ATP8A2: variants seen among roughly 807,000 people sequenced by gnomAD.
The protein encoded by ATP8A2 is ATPase phospholipid transporting 8A2.
Under a neutral mutation model 165.6 loss-of-function variants are expected in ATP8A2, and 100 were observed. The ratio of observed to expected loss-of-function variants is 0.60; its 90% confidence interval spans 0.51 to 0.71. The LOEUF (loss-of-function observed/expected upper bound fraction) is 0.71, where lower values mean the gene tolerates loss of function less well. Among genes scored for constraint, ATP8A2 ranks in the 30% least tolerant of loss-of-function variants. The probability of loss-of-function intolerance (pLI) is 0.00; values close to 1 mark genes in which losing one functional copy is unlikely to be tolerated. For synonymous variants in ATP8A2, 543 were observed against 548.8 expected (o/e 0.99, Z 0.15); for missense variants, 1,227 against 1,479.5 (o/e 0.83, Z 2.80).
At chr13:25,480,289 CG>C (rs1255258790) in intron 2 of ATP8A2, among the ~76,000 whole-genome samples, 1 of 145,238 alleles carries the variant, frequency 6.9e-6, no homozygotes, top group Non-Finnish European at 1.5e-5. Context: ...GCTGGCCGGG[CG>C]GGGGGCTGAC....
intron 30 of ATP8A2, among the ~76,000 whole-genome samples, chr13:25,855,180 G>A (rs1217534770): frequency 1.3e-5 from 2 of 151,878 alleles, no homozygotes. Context: ...GAACCCAGGA[G>A]GCAGAGATTG....
At chr13:25,702,041 A>G (rs2042962712) in intron 25 of ATP8A2, among the ~76,000 whole-genome samples, 1 of 152,188 alleles carries the variant, frequency 6.6e-6, no homozygotes, top group African/African-American at 2.4e-5. Flanking sequence ...AGAAAAAAGC[A>G]CTTGTACACT....
intron 2 of ATP8A2, among the ~76,000 whole-genome samples, chr13:25,478,179 A>G (rs769763341): frequency 2.0e-5 from 3 of 152,070 alleles, no homozygotes; most frequent in African/African-American, 4.8e-5. Context: ...CGGGGCATCA[A>G]AGAACATTCC....
At chr13:25,699,897 G>C (rs1485814746) in intron 25 of ATP8A2, among the ~76,000 whole-genome samples, 1 of 144,032 alleles carries the variant, frequency 6.9e-6, no homozygotes, top group African/African-American at 2.5e-5. Context: ...TTGGCTGCTG[G>C]CTATGTGGAG....
At chr13:25,992,737 T>C (rs1244740045) in intron 35 of ATP8A2, among the ~76,000 whole-genome samples, 3 of 151,940 alleles carry the variant, frequency 2.0e-5, no homozygotes, top group Non-Finnish European at 4.4e-5. Context: ...GTGCACATTG[T>C]GCAGGTTAGT....
At chr13:25,597,828 A>G (rs78751140) in intron 24 of ATP8A2, among the ~76,000 whole-genome samples, 1,764 of 152,244 alleles carry the variant, frequency 0.012, 35 homozygotes, top group African/African-American at 0.04. Context: ...AAGCAGTATA[A>G]ACACCTTTTG....
intron 24 of ATP8A2, among the ~76,000 whole-genome samples, chr13:25,600,865 G>A (rs1279302316): frequency 6.6e-6 from 1 of 152,202 alleles, no homozygotes; most frequent in Non-Finnish European, 1.5e-5. Context: ...GAAGCCAGCA[G>A]ATAATATCTA....
intron 33 of ATP8A2, among the ~76,000 whole-genome samples, chr13:25,929,232 C>T (rs1047708101): frequency 3.0e-4 from 45 of 152,120 alleles, no homozygotes; most frequent in Admixed American, 2.6e-3. Context: ...GGGAAGTCAC[C>T]GGACGTCCAG....
chr13:25,571,328 C>A (rs778552782), intron 17 of ATP8A2, among the ~76,000 whole-genome samples: 1 of 152,160 alleles, frequency 6.6e-6, no homozygotes, highest in Non-Finnish European at 1.5e-5. Context: ...CTATTAGGTT[C>A]ATTGGAGAGA....
chr13:25,478,077 T>A (rs1424015462), intron 2 of ATP8A2, among the ~76,000 whole-genome samples: 1 of 152,206 alleles, frequency 6.6e-6, no homozygotes, highest in Non-Finnish European at 1.5e-5. Context: ...ATTGGAAACA[T>A]ACATGATTTT....
intron 27 of ATP8A2, among the ~76,000 whole-genome samples, chr13:25,778,545 A>C (rs2044793646): frequency 6.6e-6 from 1 of 152,206 alleles, no homozygotes; most frequent in Non-Finnish European, 1.5e-5. Context: ...AAAAACCGCT[A>C]GTTTCACTTC....
At chr13:25,664,760 A>G (rs1214866765) in intron 24 of ATP8A2, among the ~76,000 whole-genome samples, 1 of 152,152 alleles carries the variant, frequency 6.6e-6, no homozygotes, top group African/African-American at 2.4e-5. Flanking sequence ...CCACATCCCA[A>G]TTGCTACCTG....
chr13:25,816,372 G>C (rs1951019923), intron 27 of ATP8A2, among the ~76,000 whole-genome samples: 1 of 152,104 alleles, frequency 6.6e-6, no homozygotes, highest in African/African-American at 2.4e-5. Flanking sequence ...CCAGCCACCT[G>C]GCAGCTCACA....
chr13:25,672,062 C>T (rs923753348), intron 24 of ATP8A2, among the ~76,000 whole-genome samples: 36 of 152,186 alleles, frequency 2.4e-4, no homozygotes, highest in African/African-American at 8.2e-4. Context: ...AATATCGGGG[C>T]AGGTTCCCCA....
At chr13:25,430,995 A>AACAC (rs543580202) in intron 1 of ATP8A2, among the ~76,000 whole-genome samples, 60 of 151,210 alleles carry the variant, frequency 4.0e-4, no homozygotes, top group African/African-American at 1.4e-3. Context: ...TCCTTCCTAA[A>AACAC]ACACACACAC....
intron 30 of ATP8A2, among the ~76,000 whole-genome samples, chr13:25,846,050 C>T (rs1215140740): frequency 6.6e-6 from 1 of 152,166 alleles, no homozygotes; most frequent in African/African-American, 2.4e-5. Flanking sequence ...GTGGCGCATG[C>T]CTGTAACCCC....
At chr13:25,426,577 A>C (rs1467138235) in intron 1 of ATP8A2, among the ~76,000 whole-genome samples, 2 of 152,166 alleles carry the variant, frequency 1.3e-5, no homozygotes, top group African/African-American at 4.8e-5. Context: ...GCTACATGTC[A>C]TTATACACTT....
chr13:25,944,331 AC>A (rs1287637519), intron 33 of ATP8A2: 4 of 152,196 alleles, frequency 2.6e-5, no homozygotes, highest in Middle Eastern at 3.1e-3. Context: ...ACATGGTGAA[AC>A]CCCGTCTCTA....
intron 34 of ATP8A2, among the ~76,000 whole-genome samples, chr13:25,966,660 G>A (rs3825496): frequency 0.057 from 8,624 of 152,216 alleles, 281 homozygotes; most frequent in East Asian, 0.11. Flanking sequence ...TTGAATATGG[G>A]CGCAGTTTCA....
Sources: gnomAD v4.1 joint callset for allele counts (sites outside exome capture counted in the v4.1 genomes callset) on GRCh38, gnomAD v4.1.1 for gene constraint, MANE v1.5 for transcripts, NCBI Gene and HGNC (gene_info 2026-07-23, HGNC 2026-07-21) for gene names.